GIPR: variants seen among roughly 807,000 people sequenced by gnomAD.
GIPR encodes the protein GIP-R.
GIPR carries 74 observed loss-of-function variants against 62.2 expected under a neutral mutation model. That is an observed-to-expected ratio of 1.19 (90% confidence interval 0.99 to 1.44). The LOEUF (loss-of-function observed/expected upper bound fraction) is 1.44, where lower values mean the gene tolerates loss of function less well. GIPR is among the 40% of genes most tolerant of loss of function. The pLI, the probability that GIPR is intolerant of heterozygous loss-of-function variation, is 0.00. For missense variants in GIPR, 664 were observed against 611.8 expected (o/e 1.09, Z -0.90); for synonymous variants, 256 against 262.2 (o/e 0.98, Z 0.23).
At position 45,674,056 on chromosome 19, in the gene GIPR, C is replaced by T. The variant is rs1004917287; in HGVS notation, c.385-18C>T. ...TTCGAGCCAAGCCTTGTTCCCTTCC[C>T]CTTCTTGCCCCGACCAGGACCAAAG... On this transcript the variant is annotated intron_variant, in intron 5 of 13. Coordinates refer to ENST00000590918, the MANE Select transcript of GIPR (RefSeq NM_000164.4). The T allele has an allele frequency of 2.0e-6, 3 of 1,503,522 alleles. No homozygotes were observed. The highest frequency in any genetic ancestry group is 2.8e-6 in the Non-Finnish European group (3 of 1,079,112). The allele number at this position is 1,503,522 out of a possible 1,614,324, so 93.1% of individuals were successfully genotyped here. A position where few individuals can be genotyped will look rare whatever the true frequency, so the allele number is the denominator to read the frequency against.
chr19:45,670,605 G>A lies in GIPR; in HGVS notation c.73-30G>A, dbSNP rs544957328. ...GCAGCCTGGGAGCGGGGGTCGGTCT[G>A]GGGGGGTCCTCCCTTCTTTCTTTTC... On this transcript the variant is annotated intron_variant, in intron 2 of 13. Transcript: ENST00000590918. The A allele has an allele frequency of 6.1e-5, 92 of 1,506,224 alleles. No homozygotes were observed. The Admixed American group carries it at 8.8e-4, about 14-fold the overall frequency. 93.3% of individuals were successfully genotyped at this position (1,506,224 alleles called of 1,614,324 possible). A position where few individuals can be genotyped will look rare whatever the true frequency, so the allele number is the denominator to read the frequency against.
chr19:45,674,499 G>C lies in GIPR; in HGVS notation c.489-183G>C, dbSNP rs1054912035. ...GGTGCACCTGTGGTACCAGCTATAG[G>C]GGGGCGCTGAGACAGGAGGATTGCT... On this transcript the variant is annotated intron_variant, in intron 6 of 13. Transcript: ENST00000590918. 7 of 659,640 alleles carry C rather than the reference G, an allele frequency of 1.1e-5. No individual in the cohort carries two copies. In the East Asian group the frequency reaches 1.9e-4, roughly 18 times the overall value. 40.9% of individuals were successfully genotyped at this position (659,640 alleles called of 1,614,324 possible). A position where few individuals can be genotyped will look rare whatever the true frequency, so the allele number is the denominator to read the frequency against.
chr19:45,671,221 C>T, intron 3 of GIPR, 64 bp from the exon 4 acceptor site: 1 of 911,306 alleles, frequency 1.1e-6, no homozygotes. Context: ...GCCCACTGCG[C>T]AGTAGCACTT....
At chr19:45,674,865 G>A (rs1272116959) in intron 7 of GIPR, 39 bp downstream of exon 7, 1 of 1,600,004 alleles carries the variant, frequency 6.2e-7, no homozygotes, top group Non-Finnish European at 8.6e-7. Context: ...TGGGAATCTT[G>A]CTTCTCTGGT....
intron 12 of GIPR, 71 bp downstream of exon 12, chr19:45,678,297 C>T (rs1021525884): frequency 8.7e-6 from 13 of 1,494,750 alleles, no homozygotes; most frequent in Non-Finnish European, 1.1e-5. Context: ...ACGAAAGCTA[C>T]AGTCGTTCTC....
At chr19:45,670,968 C>T (rs757925907) in intron 3 of GIPR, among the ~76,000 whole-genome samples, 2 of 149,518 alleles carry the variant, frequency 1.3e-5, no homozygotes, top group Non-Finnish European at 3.0e-5. Flanking sequence ...AGAAATAAAC[C>T]TTGAAGGGGG....
At chr19:45,680,699 C>T (rs576267924) in intron 12 of GIPR, among the ~76,000 whole-genome samples, 1 of 151,438 alleles carries the variant, frequency 6.6e-6, no homozygotes, top group Non-Finnish European at 1.5e-5. Flanking sequence ...GGCGTGGGGG[C>T]GCATGCCTGT....
In GIPR at chr19:45,677,052, T is replaced by A; in HGVS notation, c.737T>A (p.Val246Glu). Residue 246 changes from valine (V) to glutamate (E), a missense_variant, in exon 8 of 14, where the codon GTG becomes GAG. By Grantham distance (121) the Val-to-Glu change is moderately radical. Transcript: ENST00000590918. ...GGCGTCTACCTGCACAGTCTCCTGG[T>A]GCTCGTGGGAGGCTCCGAGGAGGGC... ...VEGVYLHSLL[V>E]LVGGSEEGHF... 1 of 1,614,056 alleles carries A rather than the reference T, an allele frequency of 6.2e-7. No homozygotes were observed.
chr19:45,674,959 G>T, intron 7 of GIPR, 133 bp downstream of exon 7: 1 of 881,374 alleles, frequency 1.1e-6, no homozygotes, highest in Non-Finnish European at 1.9e-6. Flanking sequence ...CTCCAAATGT[G>T]TCTTGGGGTG....
At position 45,682,174 on chromosome 19, in the gene GIPR, G is replaced by GC. The variant is rs1967283087; in HGVS notation, c.*240dup. 1.8e-6 allele frequency: 1 copy of GC among 545,578 alleles called. No individual in the cohort carries two copies. Among genetic ancestry groups the GC allele is most frequent in the South Asian group, 2.2e-5 (1 of 44,484 alleles). 33.8% of individuals were successfully genotyped at this position (545,578 alleles called of 1,614,324 possible). ...AAGGGGGCCTAGGGTGGTCTGGGAG[G>GC]CGTCTCCAAGGAGGTGACACTTAAG... On this transcript the variant is annotated 3_prime_UTR_variant, in exon 14 of 14. Coordinates refer to ENST00000590918, the MANE Select transcript of GIPR (RefSeq NM_000164.4).
chr19:45,677,101 C>G lies in GIPR; in HGVS notation c.786C>G (p.Leu262=), dbSNP rs1966978452. The change falls in exon 8 of 14, where the codon CTC becomes CTG. Residue 262 remains leucine, a synonymous_variant. Coordinates refer to ENST00000590918, the MANE Select transcript of GIPR (RefSeq NM_000164.4). Reference sequence around the variant, plus strand: ...GCCACTTCCGCTACTACCTGCTCCTCGGCTGGGGTGAGCTCCGATCCCGTC... The same window carrying G: ...GCCACTTCCGCTACTACCTGCTCCTGGGCTGGGGTGAGCTCCGATCCCGTC... ...EEGHFRYYLL[L]GWGAPALFVI... The G allele has an allele frequency of 7.4e-6, 12 of 1,613,448 alleles. No homozygotes were observed. Among genetic ancestry groups the G allele is most frequent in the Non-Finnish European group, 1.0e-5 (12 of 1,179,960 alleles).
At chr19:45,675,768 C>T (rs1975817899) in intron 7 of GIPR, among the ~76,000 whole-genome samples, 1 of 151,806 alleles carries the variant, frequency 6.6e-6, no homozygotes, top group Non-Finnish European at 1.5e-5. Flanking sequence ...CTCGCCTGTA[C>T]TCCCAGCTAC....
intron 1 of GIPR, among the ~76,000 whole-genome samples, chr19:45,669,131 C>A (rs1975402604): frequency 8.2e-4 from 1 of 1,218 alleles, no homozygotes; most frequent in Admixed American, 8.3e-3. Context: ...GTCTGTAGGT[C>A]CAGACTTCGG....
In GIPR at chr19:45,677,325, G is replaced by A; in HGVS notation, c.796G>A (p.Ala266Thr). 6.3e-7 allele frequency: 1 copy of A among 1,583,148 alleles called. No individual in the cohort carries two copies. Among genetic ancestry groups the A allele is most frequent in the South Asian group, 1.1e-5 (1 of 87,798 alleles). The stretch of plus-strand genomic sequence containing the variant: ...GGGCGGGGTCGGGGTCTGCACAGGG[G>A]CCCCCGCGCTTTTCGTCATTCCCTG... ...FRYYLLLGWG[A>T]PALFVIPWVI... is the part of the protein sequence containing the mutation. The change falls in exon 9 of 14, where the codon GCC becomes ACC. Residue 266 changes from alanine (A) to threonine (T), a missense_variant and splice_region_variant. Coordinates refer to ENST00000590918, the MANE Select transcript of GIPR (RefSeq NM_000164.4).
rs1967278393 is a variant in GIPR at position 45,682,080 on chromosome 19, G to C, written c.*145G>C. The C allele has an allele frequency of 5.0e-5, 35 of 694,256 alleles. No individual in the cohort carries two copies. In the South Asian group the frequency reaches 6.1e-4, roughly 12 times the overall value. The allele number at this position is 694,256 out of a possible 1,614,324, so 43.0% of individuals were successfully genotyped here. On this transcript the variant is annotated 3_prime_UTR_variant, in exon 14 of 14. Coordinates refer to ENST00000590918, the MANE Select transcript of GIPR (RefSeq NM_000164.4). ...CTTCTGGAGATGACAACTGAGTGGGGAAAACAGACCGTGAACACAAAACAT... is the reference window on the plus strand; with the variant it reads ...CTTCTGGAGATGACAACTGAGTGGGCAAAACAGACCGTGAACACAAAACAT...
In GIPR at chr19:45,670,734, G is replaced by C; in HGVS notation, c.172G>C (p.Gly58Arg). 2.5e-6 allele frequency: 4 copies of C among 1,592,202 alleles called. No homozygotes were observed. Among genetic ancestry groups the C allele is most frequent in the Non-Finnish European group, 3.4e-6 (4 of 1,165,970 alleles). Reference sequence around the variant, plus strand: ...CTTGGCAGCCGCGGAACCGCCTTCAGGTGTGACCAGGAGGGCTGGGGACGC... The same window carrying C: ...CTTGGCAGCCGCGGAACCGCCTTCACGTGTGACCAGGAGGGCTGGGGACGC... ...ETLAAAEPPS[G>R]LACNGSFDMY... Residue 58 changes from glycine (G) to arginine (R), a missense_variant and splice_region_variant, in exon 3 of 14, where the codon GGC becomes CGC. Transcript: ENST00000590918.
At chr19:45,672,721 C>T (rs1600292016) in intron 4 of GIPR, 130 bp from the exon 5 acceptor site, 2 of 385,598 alleles carry the variant, frequency 5.2e-6, no homozygotes, top group South Asian at 2.5e-5. Flanking sequence ...AAGGGTTTAT[C>T]ATCATCATCA....
Position 45,672,718 on chromosome 19 carries a change from TATCATC to T in GIPR, c.281-107_281-102del, listed in dbSNP as rs13306396. 223 of 693,496 alleles carry T rather than the reference TATCATC, an allele frequency of 3.2e-4. 1 individual carries two copies. Among genetic ancestry groups the T allele is most frequent in the East Asian group, 2.7e-3 (93 of 34,402 alleles). The allele number at this position is 693,496 out of a possible 1,614,324, so 43.0% of individuals were successfully genotyped here. A position where few individuals can be genotyped will look rare whatever the true frequency, so the allele number is the denominator to read the frequency against. On this transcript the variant is annotated intron_variant, in intron 4 of 13. Transcript: ENST00000590918. ...ACAAATAACATGCCATATAAGGGTT[TATCATC>T]ATCATCATCATCATCATCATCATCA...
chr19:45,669,466 G>A lies in GIPR; in HGVS notation c.-44-11G>A. 7.1e-6 allele frequency: 11 copies of A among 1,543,478 alleles called. No individual in the cohort carries two copies. The highest frequency in any genetic ancestry group is 1.4e-5 in the African/African-American group (1 of 73,300). On this transcript the variant is annotated splice_polypyrimidine_tract_variant and intron_variant, in intron 1 of 13. Transcript: ENST00000590918. ...GGGCAGAGGTGCTGACCTTGCCCTG[G>A]GACCCTCCAGGCCTGATCGCCCCTG...
Sources: allele counts gnomAD v4.1 joint callset (sites outside exome capture counted in the v4.1 genomes callset), GRCh38; gene constraint gnomAD v4.1.1; transcripts MANE v1.5; gene names NCBI Gene and HGNC (gene_info 2026-07-23, HGNC 2026-07-21).